The following DISC1 variants were observed in gnomAD, a reference collection of about 807,000 sequenced individuals.
The protein encoded by DISC1 is DISC1 scaffold protein.
In DISC1, 57 loss-of-function variants were observed where a neutral mutation model predicts 84.5. The ratio of observed to expected loss-of-function variants is 0.67; its 90% CI spans 0.55 to 0.84. DISC1 has a LOEUF of 0.84. DISC1 is among the 40% of genes least tolerant of loss of function. The pLI, the probability that DISC1 is intolerant of heterozygous loss-of-function variation, is 0.00. For synonymous variants in DISC1, 411 were observed against 415.2 expected (o/e 0.99, Z 0.12); for missense variants, 1,000 against 1,057.8 (o/e 0.95, Z 0.76).
chr1:231,854,919 T>C, intron 9 of DISC1: 2 of 587,554 alleles, frequency 3.4e-6, no homozygotes, highest in South Asian at 3.4e-5. Context: ...TTTTACCATG[T>C]TGACCAGACT....
chr1:231,951,743 C>T (rs1247011101), intron 9 of DISC1, among the ~76,000 whole-genome samples: 1 of 152,152 alleles, frequency 6.6e-6, no homozygotes, highest in Admixed American at 6.6e-5. Context: ...CAGTGCCTAA[C>T]ATGGAATCTG....
chr1:231,715,167 A>G (rs1332828214), intron 3 of DISC1, among the ~76,000 whole-genome samples: 1 of 152,178 alleles, frequency 6.6e-6, no homozygotes, highest in Non-Finnish European at 1.5e-5. Context: ...AAGCCTGGCT[A>G]CCTGTCTGTC....
chr1:231,772,446 A>C (rs919869730), intron 6 of DISC1, among the ~76,000 whole-genome samples: 1 of 152,190 alleles, frequency 6.6e-6, no homozygotes, highest in African/African-American at 2.4e-5. Context: ...AAGACTTCCT[A>C]CAACTCACCA....
intron 10 of DISC1, among the ~76,000 whole-genome samples, chr1:231,965,836 A>C (rs1361559968): frequency 1.3e-5 from 2 of 152,196 alleles, no homozygotes; most frequent in Non-Finnish European, 2.9e-5. Flanking sequence ...CCTTCTCTAT[A>C]AAGCCTTTCT....
chr1:231,690,568 T>C (rs2064875796), intron 1 of DISC1, among the ~76,000 whole-genome samples: 1 of 152,226 alleles, frequency 6.6e-6, no homozygotes, highest in African/African-American at 2.4e-5. Context: ...GAATGCATCC[T>C]AATCCTTATT....
chr1:231,840,645 G>A (rs1303002162), intron 9 of DISC1, among the ~76,000 whole-genome samples: 1 of 152,036 alleles, frequency 6.6e-6, no homozygotes, highest in African/African-American at 2.4e-5. Flanking sequence ...CTGGGGAAGG[G>A]TCTGATTAGA....
At chr1:231,816,220 A>G (rs1379018577) in intron 8 of DISC1, among the ~76,000 whole-genome samples, 2 of 152,128 alleles carry the variant, frequency 1.3e-5, no homozygotes, top group East Asian at 1.9e-4. Context: ...ATGTTTTTTC[A>G]TATGCTTATT....
At chr1:231,767,019 C>A (rs1475931457) in intron 4 of DISC1, 121 bp from the exon 5 acceptor site, 4 of 1,295,242 alleles carry the variant, frequency 3.1e-6, no homozygotes, top group African/African-American at 3.0e-5. Context: ...CAGGTAAGTA[C>A]CCTCCTAAGT....
intron 4 of DISC1, among the ~76,000 whole-genome samples, chr1:231,754,785 TG>T (rs909611011): frequency 3.9e-5 from 6 of 152,374 alleles, no homozygotes; most frequent in Admixed American, 3.9e-4. Flanking sequence ...AAACATTTTA[TG>T]GGGTTTGACC....
intron 10 of DISC1, among the ~76,000 whole-genome samples, chr1:231,985,312 G>A (rs1454738646): frequency 6.3e-5 from 9 of 142,046 alleles, no homozygotes; most frequent in Non-Finnish European, 9.1e-5. Context: ...GGCAACAAGA[G>A]TGAAACTCCA....
intron 9 of DISC1, among the ~76,000 whole-genome samples, chr1:231,907,935 A>G (rs2088864799): frequency 6.6e-6 from 1 of 152,076 alleles, no homozygotes; most frequent in African/African-American, 2.4e-5. Flanking sequence ...GTGATGATGA[A>G]CATTTTTTCA....
intron 7 of DISC1, among the ~76,000 whole-genome samples, chr1:231,797,359 A>T (rs2078841454): frequency 6.6e-6 from 1 of 152,202 alleles, no homozygotes; most frequent in South Asian, 2.1e-4. Context: ...GTCCTACTCC[A>T]TTTGAGTTGC....
At chr1:231,825,715 G>A (rs1263231892) in intron 9 of DISC1, among the ~76,000 whole-genome samples, 2 of 151,856 alleles carry the variant, frequency 1.3e-5, no homozygotes, top group Non-Finnish European at 2.9e-5. Context: ...ACCACCCTCA[G>A]TTAACTGCAT....
chr1:231,628,645 G>A (rs1307299749), intron 1 of DISC1, among the ~76,000 whole-genome samples: 1 of 152,220 alleles, frequency 6.6e-6, no homozygotes, highest in Non-Finnish European at 1.5e-5. Flanking sequence ...TAGAACCCTG[G>A]TGTGGGTGCC....
At chr1:231,639,295 A>G (rs551893303) in intron 1 of DISC1, among the ~76,000 whole-genome samples, 2 of 152,356 alleles carry the variant, frequency 1.3e-5, no homozygotes, top group Admixed American at 6.5e-5. Context: ...TCCATTCTCC[A>G]TATCAAAGCA....
intron 9 of DISC1, among the ~76,000 whole-genome samples, chr1:231,904,006 C>G (rs1285780276): frequency 6.6e-6 from 1 of 152,188 alleles, no homozygotes; most frequent in Non-Finnish European, 1.5e-5. Context: ...TGGTGTGGTT[C>G]AGGCAGCATG....
intron 1 of DISC1, among the ~76,000 whole-genome samples, chr1:231,661,237 A>G (rs1427284598): frequency 1.3e-5 from 2 of 150,970 alleles, no homozygotes; most frequent in African/African-American, 2.4e-5. Flanking sequence ...TGATCTTCTC[A>G]TGGAGGATCC....
intron 3 of DISC1, among the ~76,000 whole-genome samples, chr1:231,729,681 G>C (rs1202969407): frequency 6.6e-6 from 1 of 150,992 alleles, no homozygotes; most frequent in Non-Finnish European, 1.5e-5. Context: ...GCTCAGGCTA[G>C]TGGAAATATT....
At chr1:231,802,730 T>C (rs1293919289) in intron 8 of DISC1, among the ~76,000 whole-genome samples, 1 of 152,198 alleles carries the variant, frequency 6.6e-6, no homozygotes, top group Non-Finnish European at 1.5e-5. Context: ...CAGTGGGCAC[T>C]TCTGTATTCT....
Sources: gnomAD v4.1 joint callset for allele counts (sites outside exome capture counted in the v4.1 genomes callset) on GRCh38, gnomAD v4.1.1 for gene constraint, MANE v1.5 for transcripts, NCBI Gene and HGNC (gene_info 2026-07-23, HGNC 2026-07-21) for gene names.